Variants in UGT2A1 observed in about 807,000 individuals in gnomAD.
UGT2A1 encodes the protein UDP glucuronosyltransferase family 2 member A1 complex locus, also known as UDP-glucuronosyltransferase 2A1.
UGT2A1 carries 61 observed loss-of-function variants against 45.4 expected under a neutral mutation model. That is an observed-to-expected ratio of 1.34 (90% confidence interval 1.09 to 1.66). The LOEUF is 1.66. UGT2A1 is among the 40% of genes most tolerant of loss of function. UGT2A1 has a pLI of 0.00. For synonymous variants in UGT2A1, 229 were observed against 196.2 expected, an observed-to-expected ratio of 1.17 and a Z score of -1.40; for missense variants, 649 against 574.3, an observed-to-expected ratio of 1.13 and a Z score of -1.33.
Position 69,589,439 on chromosome 4 carries a change from A to G in UGT2A1, c.1517T>C (p.Val506Ala). Residue 506 changes from valine to alanine, a missense_variant, in exon 7 of 7, where the codon GTC becomes GCC. Transcript: ENST00000286604. ...ACAGGAAAACAAACAACATTGTATG[A>G]CCAAAAATATAGCCGTTGTCACACA... ...LVCVTTAIFL[V>A]IQCCLFSCQK... The G allele has an allele frequency of 6.2e-7, 1 of 1,614,102 alleles. No individual in the cohort carries two copies. Among genetic ancestry groups the G allele is most frequent in the East Asian group, 2.2e-5 (1 of 44,878 alleles).
intron 6 of UGT2A1, among the ~76,000 whole-genome samples, chr4:69,593,940 G>GA (rs1422960651): frequency 2.8e-5 from 4 of 142,962 alleles, no homozygotes; most frequent in Non-Finnish European, 4.6e-5. Flanking sequence ...TCTTTATTTT[G>GA]AAAAATATTG....
rs1722289841 is a variant in UGT2A1 at position 69,646,969 on chromosome 4, G to C, written c.676C>G (p.Leu226Val). 3 of 1,601,944 alleles carry C rather than the reference G, an allele frequency of 1.9e-6. No individual in the cohort carries two copies. The highest frequency in any genetic ancestry group is 2.6e-6 in the Non-Finnish European group (3 of 1,175,596). ...TAGTATGAATCCCATGATTTCCAAAGAGTTTCAAACATGTAGTCCTGTAGG... is the reference window on the plus strand; with the variant it reads ...TAGTATGAATCCCATGATTTCCAAACAGTTTCAAACATGTAGTCCTGTAGG... ...YHLQDYMFET[L>V]WKSWDSYYSK... The change falls in exon 2 of 7, where the codon CTT (leucine) becomes GTT (valine). Residue 226 changes from leucine to valine, a missense_variant. Physicochemically the swap from Leu to Val is conservative, Grantham distance 32. Coordinates refer to ENST00000286604, the MANE Select transcript of UGT2A1 (RefSeq NM_001252275.3).
chr4:69,619,565 C>T (rs972895097), intron 3 of UGT2A1, among the ~76,000 whole-genome samples: 12 of 151,832 alleles, frequency 7.9e-5, no homozygotes, highest in African/African-American at 2.9e-4. Context: ...ATAAATCTAA[C>T]ATAAAAGGAA....
intron 1 of UGT2A1, among the ~76,000 whole-genome samples, chr4:69,652,927 A>T (rs1430358394): frequency 1.3e-5 from 2 of 152,220 alleles, no homozygotes; most frequent in Admixed American, 1.3e-4. Context: ...CTTTGAGTTC[A>T]CACTTAGACA....
intron 3 of UGT2A1, among the ~76,000 whole-genome samples, chr4:69,627,699 A>G (rs1560486959): frequency 6.6e-6 from 1 of 151,946 alleles, no homozygotes; most frequent in Non-Finnish European, 1.5e-5. Flanking sequence ...AAGGTTCATA[A>G]ACACTCATGA....
At chr4:69,611,848 T>G (rs942943526) in intron 3 of UGT2A1, among the ~76,000 whole-genome samples, 1 of 152,164 alleles carries the variant, frequency 6.6e-6, no homozygotes, top group African/African-American at 2.4e-5. Flanking sequence ...GAAAGCCTAA[T>G]GGATTGCCCT....
chr4:69,600,431 C>T (rs1234071496), intron 3 of UGT2A1, among the ~76,000 whole-genome samples: 1 of 152,088 alleles, frequency 6.6e-6, no homozygotes, highest in African/African-American at 2.4e-5. Context: ...AATCACAGTA[C>T]AATTTTGAGT....
chr4:69,631,030 T>C (rs976754612), intron 3 of UGT2A1, among the ~76,000 whole-genome samples: 10 of 152,170 alleles, frequency 6.6e-5, no homozygotes, highest in Admixed American at 4.6e-4. Context: ...TATGAAATCA[T>C]CGACATAAGC....
chr4:69,650,713 C>G (rs7674020), intron 1 of UGT2A1, among the ~76,000 whole-genome samples: 2 of 151,800 alleles, frequency 1.3e-5, no homozygotes, highest in Non-Finnish European at 2.9e-5. Flanking sequence ...GTAAAAGTGA[C>G]GTTTAAAAAT....
At chr4:69,594,076 G>A (rs888850796) in intron 6 of UGT2A1, among the ~76,000 whole-genome samples, 1 of 145,574 alleles carries the variant, frequency 6.9e-6, no homozygotes, top group Non-Finnish European at 1.5e-5. Context: ...CCGGGTTCAC[G>A]CCATTCTCCT....
chr4:69,616,203 T>G (rs1720369336), intron 3 of UGT2A1, among the ~76,000 whole-genome samples: 1 of 149,308 alleles, frequency 6.7e-6, no homozygotes, highest in African/African-American at 2.5e-5. Context: ...AGATATAGAG[T>G]AGAGAGATGG....
intron 2 of UGT2A1, among the ~76,000 whole-genome samples, chr4:69,636,346 T>C (rs1208621293): frequency 6.6e-6 from 1 of 152,152 alleles, no homozygotes; most frequent in Non-Finnish European, 1.5e-5. Context: ...ATCCTTTTGT[T>C]TGTGATGGCA....
chr4:69,608,501 C>A (rs1719820842), intron 3 of UGT2A1, among the ~76,000 whole-genome samples: 2 of 151,824 alleles, frequency 1.3e-5, no homozygotes, highest in Non-Finnish European at 2.9e-5. Context: ...AGCACACCAA[C>A]CTGGCACATG....
Position 69,647,661 on chromosome 4 carries a change from G to C in UGT2A1, c.-17C>G. 6.7e-7 allele frequency: 1 copy of C among 1,492,386 alleles called. No individual in the cohort carries two copies. The highest frequency in any genetic ancestry group is 9.0e-7 in the Non-Finnish European group (1 of 1,110,012). The allele number at this position is 1,492,386 out of a possible 1,614,324, so 92.4% of individuals were successfully genotyped here. On this transcript the variant is annotated 5_prime_UTR_variant, in exon 2 of 7. Transcript: ENST00000286604. The stretch of plus-strand genomic sequence containing the variant: ...GTTTAACATGATGTGGCTTGATGCA[G>C]AAGATTTGATGAGATGTGAAGCAAA...
At chr4:69,648,640 C>T (rs4148279) in intron 1 of UGT2A1, among the ~76,000 whole-genome samples, 56,707 of 151,686 alleles carry the variant, frequency 0.37, 11,042 homozygotes, top group East Asian at 0.6. Context: ...GAAACCACTG[C>T]CCAAAGAGAT....
chr4:69,618,234 T>TGTGA (rs1052591374), intron 3 of UGT2A1, among the ~76,000 whole-genome samples: 2 of 150,744 alleles, frequency 1.3e-5, no homozygotes, highest in African/African-American at 2.4e-5. Context: ...TGTGTGTGTG[T>TGTGA]GTGTATGTGT....
At chr4:69,623,663 A>C (rs1010891420) in intron 3 of UGT2A1, among the ~76,000 whole-genome samples, 1 of 151,408 alleles carries the variant, frequency 6.6e-6, no homozygotes, top group Non-Finnish European at 1.5e-5. Context: ...AGGTATAAAA[A>C]ATTCTATAGT....
At chr4:69,605,573 A>G (rs1719558569) in intron 3 of UGT2A1, among the ~76,000 whole-genome samples, 1 of 136,934 alleles carries the variant, frequency 7.3e-6, no homozygotes, top group South Asian at 2.4e-4. Flanking sequence ...AACTAAGATC[A>G]GAGCAGAACT....
At position 69,646,983 on chromosome 4, in the gene UGT2A1, T is replaced by G. The variant is rs139198714; in HGVS notation, c.662A>C (p.Tyr221Ser). The G allele has an allele frequency of 3.1e-6, 5 of 1,609,986 alleles. No individual in the cohort carries two copies. Among genetic ancestry groups the G allele is most frequent in the Non-Finnish European group, 4.2e-6 (5 of 1,178,052 alleles). Residue 221 changes from tyrosine (Y) to serine (S), a missense_variant, in exon 2 of 7, where the codon TAC becomes TCC. Transcript: ENST00000286604. Reference sequence around the variant, plus strand: ...TGATTTCCAAAGAGTTTCAAACATGTAGTCCTGTAGGTGGTAGGAGATGAA... The same window carrying G: ...TGATTTCCAAAGAGTTTCAAACATGGAGTCCTGTAGGTGGTAGGAGATGAA... ...RNFISYHLQD[Y>S]MFETLWKSWD...
Sources: allele counts gnomAD v4.1 joint callset (sites outside exome capture counted in the v4.1 genomes callset), GRCh38; gene constraint gnomAD v4.1.1; transcripts MANE v1.5; gene names NCBI Gene and HGNC (gene_info 2026-07-23, HGNC 2026-07-21).